SUFU: variants seen among roughly 807,000 people sequenced by gnomAD.
The protein encoded by SUFU is suppressor of fused homolog.
In SUFU, 7 loss-of-function variants were observed where a neutral mutation model predicts 58.9. That is an observed-to-expected ratio of 0.12 (90% CI 0.07 to 0.22). The LOEUF (loss-of-function observed/expected upper bound fraction) is 0.22, where lower values mean the gene tolerates loss of function less well. Among genes scored for constraint, SUFU ranks in the 10% least tolerant of loss-of-function variants. SUFU has a pLI of 1.00. For missense variants in SUFU, 451 were observed against 641.3 expected (o/e 0.70, Z 3.20); for synonymous variants, 232 against 254.8 (o/e 0.91, Z 0.85).
At chr10:102,593,769 G>A (rs1019133049) in intron 5 of SUFU, 48 bp downstream of exon 5, 2 of 1,588,166 alleles carry the variant, frequency 1.3e-6, no homozygotes, top group Non-Finnish European at 1.7e-6. Flanking sequence ...GCCTGGGGGT[G>A]GGAGTCCCTC....
At chr10:102,509,964 G>A (rs566574706) in intron 2 of SUFU, among the ~76,000 whole-genome samples, 5 of 151,990 alleles carry the variant, frequency 3.3e-5, no homozygotes, top group Admixed American at 2.6e-4. Flanking sequence ...TCAGCCTCCC[G>A]AGTAGCTGGG....
At chr10:102,599,244 C>T (rs1269834588) in intron 7 of SUFU, among the ~76,000 whole-genome samples, 189 bp from the exon 8 acceptor site, 3 of 152,230 alleles carry the variant, frequency 2.0e-5, no homozygotes, top group African/African-American at 7.2e-5. Context: ...CCCAGAGCTT[C>T]TTAAGAGCGC....
chr10:102,504,710 G>C (rs1322515301), intron 1 of SUFU, among the ~76,000 whole-genome samples: 2 of 151,578 alleles, frequency 1.3e-5, no homozygotes, highest in Non-Finnish European at 2.9e-5. Flanking sequence ...GGATGGGAGA[G>C]GCGAGGCGGG....
intron 2 of SUFU, among the ~76,000 whole-genome samples, chr10:102,548,194 GATAGATAC>G (rs2062874171): frequency 6.6e-6 from 1 of 151,958 alleles, no homozygotes; most frequent in South Asian, 2.1e-4. Context: ...GAGATAGATA[GATAGATAC>G]ATACATACAT....
chr10:102,509,423 C>T lies in SUFU; in HGVS notation c.317+120C>T, dbSNP rs967429890. Reference sequence around the variant, plus strand: ...TCTCCGTGGAACCTCTGCATTTCTGCCCTCTGACTATATCTACTCATGCCA... The same window carrying T: ...TCTCCGTGGAACCTCTGCATTTCTGTCCTCTGACTATATCTACTCATGCCA... On this transcript the variant is annotated intron_variant, in intron 2 of 11. Coordinates refer to ENST00000369902, the MANE Select transcript of SUFU (RefSeq NM_016169.4). 1.6e-5 allele frequency: 22 copies of T among 1,404,806 alleles called. No individual in the cohort carries two copies. The African/African-American group carries it at 2.4e-4, about 15-fold the overall frequency. The allele number at this position is 1,404,806 out of a possible 1,614,324, so 87.0% of individuals were successfully genotyped here.
chr10:102,515,827 G>T (rs925805292), intron 2 of SUFU, among the ~76,000 whole-genome samples: 4 of 152,104 alleles, frequency 2.6e-5, no homozygotes, highest in African/African-American at 9.7e-5. Context: ...CTCATTGGGG[G>T]GCACACCTCC....
rs79299301 is a variant in SUFU at position 102,615,273 on chromosome 10, G to A, written c.1028G>A (p.Arg343His). The A allele has an allele frequency of 1.6e-4, 261 of 1,614,080 alleles. No individual in the cohort carries two copies. Among genetic ancestry groups the A allele is most frequent in the Non-Finnish European group, 2.1e-4 (246 of 1,180,012 alleles). ...NGLAHDRAPS[R>H]KDSLESDSST... The stretch of plus-strand genomic sequence containing the variant: ...TTCCTGTGCTTGCTTCACAGGAGCC[G>A]CAAAGACAGCCTGGAAAGTGACAGC... The change falls in exon 9 of 12, where the codon CGC becomes CAC. Residue 343 changes from arginine (R) to histidine (H), a missense_variant. Transcript: ENST00000369902.
At chr10:102,544,559 T>C (rs2062834544) in intron 2 of SUFU, among the ~76,000 whole-genome samples, 2 of 151,814 alleles carry the variant, frequency 1.3e-5, no homozygotes, top group Admixed American at 6.6e-5. Flanking sequence ...AAATTAATGG[T>C]GTGGTGGCAC....
intron 2 of SUFU, among the ~76,000 whole-genome samples, chr10:102,548,247 T>C (rs1417215458): frequency 6.6e-6 from 1 of 152,236 alleles, no homozygotes; most frequent in Non-Finnish European, 1.5e-5. Context: ...ATGATACCTT[T>C]TCAGTCCATT....
chr10:102,516,908 G>A (rs975699269), intron 2 of SUFU, among the ~76,000 whole-genome samples: 5 of 151,286 alleles, frequency 3.3e-5, no homozygotes, highest in Non-Finnish European at 7.4e-5. Flanking sequence ...CGGATCACCT[G>A]AGGTCAGGAG....
intron 8 of SUFU, among the ~76,000 whole-genome samples, chr10:102,600,664 G>C (rs1321319050): frequency 1.3e-5 from 2 of 152,122 alleles, no homozygotes; most frequent in Non-Finnish European, 2.9e-5. Context: ...CGACCTTGAG[G>C]GCACCTTAGA....
intron 1 of SUFU, among the ~76,000 whole-genome samples, chr10:102,508,702 A>G (rs2062361179): frequency 1.3e-5 from 2 of 152,204 alleles, no homozygotes; most frequent in South Asian, 2.1e-4. Context: ...TTAGCTGTCT[A>G]AGAGGCTGGA....
intron 8 of SUFU, among the ~76,000 whole-genome samples, chr10:102,605,586 T>C (rs1435595037): frequency 2.0e-5 from 3 of 152,182 alleles, no homozygotes; most frequent in Admixed American, 6.5e-5. Context: ...ATTGTCCTTA[T>C]AAGAAAATTT....
intron 1 of SUFU, among the ~76,000 whole-genome samples, chr10:102,507,747 TC>T (rs1230012312): frequency 6.6e-6 from 1 of 152,212 alleles, no homozygotes; most frequent in Non-Finnish European, 1.5e-5. Flanking sequence ...TTGTAACATG[TC>T]TTTTATTTGG....
chr10:102,599,387 C>A, intron 7 of SUFU, 46 bp from the exon 8 acceptor site: 1 of 1,456,504 alleles, frequency 6.9e-7, no homozygotes, highest in Non-Finnish European at 9.6e-7. Context: ...GTGAGAATTG[C>A]TGGGAGCCCA....
upstream of SUFU, among the ~76,000 whole-genome samples, chr10:102,503,728 G>A (rs1172887958): frequency 6.6e-6 from 1 of 152,194 alleles, no homozygotes; most frequent in Non-Finnish European, 1.5e-5. Context: ...ACTTCTCGCT[G>A]CTTTCGTGGG....
At chr10:102,525,338 G>A (rs185861566) in intron 2 of SUFU, among the ~76,000 whole-genome samples, 26 of 151,990 alleles carry the variant, frequency 1.7e-4, no homozygotes, top group African/African-American at 5.1e-4. Flanking sequence ...TCAAACTCCC[G>A]GCCTTAAGTG....
chr10:102,586,615 G>A (rs1340463341), intron 3 of SUFU, among the ~76,000 whole-genome samples: 3 of 152,230 alleles, frequency 2.0e-5, no homozygotes, highest in Non-Finnish European at 4.4e-5. Flanking sequence ...GGAGCTTGCA[G>A]TGAGCCGAGA....
At chr10:102,624,414 C>G (rs1397807393) in intron 10 of SUFU, among the ~76,000 whole-genome samples, 3 of 152,128 alleles carry the variant, frequency 2.0e-5, no homozygotes, top group African/African-American at 7.2e-5. Flanking sequence ...AGGTTTAACT[C>G]CCAAAGGAAA....
Sources: gnomAD v4.1 joint callset for allele counts (sites outside exome capture counted in the v4.1 genomes callset) on GRCh38, gnomAD v4.1.1 for gene constraint, MANE v1.5 for transcripts, NCBI Gene and HGNC (gene_info 2026-07-23, HGNC 2026-07-21) for gene names.